VILL: variants seen among roughly 807,000 people sequenced by gnomAD.
VILL encodes villin-like protein.
VILL carries 102 observed loss-of-function variants against 106.3 expected under a neutral mutation model. That is an observed-to-expected ratio of 0.96 (90% CI 0.82 to 1.13). The LOEUF (loss-of-function observed/expected upper bound fraction) is 1.13, where lower values mean the gene tolerates loss of function less well. Ranked by LOEUF, VILL falls within the 50% of genes most tolerant of loss-of-function variation. VILL has a pLI of 0.00. For missense variants in VILL, 1,076 were observed against 1,116.6 expected, an observed-to-expected ratio of 0.96 and a Z score of 0.52; for synonymous variants, 431 against 440.3, an observed-to-expected ratio of 0.98 and a Z score of 0.27.
At chr3:37,996,719 T>G (rs748588076) in intron 5 of VILL, among the ~76,000 whole-genome samples, 12 of 152,252 alleles carry the variant, frequency 7.9e-5, no homozygotes, top group Non-Finnish European at 1.3e-4. Flanking sequence ...CTCTCAAAAG[T>G]GTGTCCGTTT....
chr3:38,001,558 C>T lies in VILL; in HGVS notation c.1285C>T (p.Leu429=), dbSNP rs745645492. Residue 429 remains leucine (L), a synonymous_variant, in exon 12 of 20, where the codon CTG becomes TTG. Transcript: ENST00000383759. ...CYLVLYTYQR[L]GRVQYILYLW... is the part of the protein sequence containing the mutation. ...CCTTGTGCTCTACACATACCAGAGGCTGGGCCGTGTCCAGTACATCCTGTA... is the reference window on the plus strand; with the variant it reads ...CCTTGTGCTCTACACATACCAGAGGTTGGGCCGTGTCCAGTACATCCTGTA... The T allele has an allele frequency of 2.5e-6, 4 of 1,614,240 alleles. No individual in the cohort carries two copies. The South Asian group carries it at 3.3e-5, about 13-fold the overall frequency.
rs373578988 is a variant in VILL, at chr3:38,006,925, C to A, written c.2458-17C>A. The A allele has an allele frequency of 1.2e-6, 2 of 1,606,854 alleles. No individual in the cohort carries two copies. Among genetic ancestry groups the A allele is most frequent in the East Asian group, 2.2e-5 (1 of 44,836 alleles). On this transcript the variant is annotated splice_polypyrimidine_tract_variant and intron_variant, in intron 19 of 19. Coordinates refer to ENST00000383759, the MANE Select transcript of VILL (RefSeq NM_015873.4). ...ATGACACCCTACCCTGTACCTCCCC[C>A]TCTCTCCCCTGCCCAGTTCTATCTC...
chr3:37,994,230 C>T (rs965843521), intron 3 of VILL, 31 bp from the exon 4 acceptor site: 5 of 1,580,464 alleles, frequency 3.2e-6, no homozygotes, highest in Non-Finnish European at 4.3e-6. Context: ...GTCTTCCCCG[C>T]AACACATATA....
intron 11 of VILL, among the ~76,000 whole-genome samples, chr3:38,000,284 C>A (rs921453784): frequency 6.6e-6 from 1 of 151,766 alleles, no homozygotes; most frequent in African/African-American, 2.4e-5. Context: ...TGGGAAGAGA[C>A]TGAGAGAGGA....
rs373376779 is a variant in VILL, at chr3:38,006,558, G to A, written c.2315G>A (p.Arg772Gln). The A allele has an allele frequency of 6.4e-5, 103 of 1,614,148 alleles. No individual in the cohort carries two copies. In the East Asian group the frequency reaches 8.9e-4, roughly 14 times the overall value. The change falls in exon 19 of 20, where the codon CGA becomes CAA. Residue 772 changes from arginine (R) to glutamine (Q), a missense_variant. By Grantham distance (43) the Arg-to-Gln change is conservative (BLOSUM62 1). Coordinates refer to ENST00000383759, the MANE Select transcript of VILL (RefSeq NM_015873.4). Reference sequence around the variant, plus strand: ...GACAGCTCAGAGAATGATCTGGTGCGAAGCCCCAAGTCGGCTGGCAGCAGA... The same window carrying A: ...GACAGCTCAGAGAATGATCTGGTGCAAAGCCCCAAGTCGGCTGGCAGCAGA... ...SQDSSENDLVRSPKSAGSRTS... is the reference protein window; with the variant it reads ...SQDSSENDLVQSPKSAGSRTS...
intron 5 of VILL, among the ~76,000 whole-genome samples, chr3:37,996,790 T>G (rs1216509161): frequency 6.6e-6 from 1 of 152,214 alleles, no homozygotes; most frequent in Non-Finnish European, 1.5e-5. Context: ...TCACATGTGA[T>G]GTCCCCATAT....
chr3:37,999,376 G>A lies in VILL; in HGVS notation c.1119G>A (p.Leu373=). The A allele has an allele frequency of 2.0e-6, 3 of 1,510,966 alleles. No homozygotes were observed. The highest frequency in any genetic ancestry group is 2.4e-5 in the Admixed American group (1 of 42,400). 93.6% of individuals were successfully genotyped at this position (1,510,966 alleles called of 1,614,324 possible). Residue 373 remains leucine, a synonymous_variant, in exon 11 of 20, where the codon CTG becomes CTA. Coordinates refer to ENST00000383759, the MANE Select transcript of VILL (RefSeq NM_015873.4). ...ATGTAAAGCTGGACGTGGGCAAGCTGCACACCCAGCCTAAGTTAGCGGCCC... is the reference window on the plus strand; with the variant it reads ...ATGTAAAGCTGGACGTGGGCAAGCTACACACCCAGCCTAAGTTAGCGGCCC... ...SIHVKLDVGK[L]HTQPKLAAQL... is the part of the protein sequence containing the mutation.
rs753055602 is a variant in VILL, at chr3:37,995,731, C to A, written c.342-8C>A. On this transcript the variant is annotated splice_polypyrimidine_tract_variant and splice_region_variant and intron_variant, in intron 4 of 19. Transcript: ENST00000383759. ...AATGTATATACCCTCCTGCTATTCC[C>A]ACCTCAGCTACAGGAAGGGAGGCCT... 1.1e-5 allele frequency: 18 copies of A among 1,610,436 alleles called. No individual in the cohort carries two copies. The highest frequency in any genetic ancestry group is 2.2e-5 in the East Asian group (1 of 44,850).
At chr3:37,996,369 T>C (rs1268676077) in intron 5 of VILL, among the ~76,000 whole-genome samples, 1 of 152,196 alleles carries the variant, frequency 6.6e-6, no homozygotes, top group Non-Finnish European at 1.5e-5. Context: ...CTCTGGTCCA[T>C]AGAGTGCCCT....
At chr3:38,001,191 G>C (rs1178806429) in intron 11 of VILL, 1 of 574,344 alleles carries the variant, frequency 1.7e-6, no homozygotes, top group Non-Finnish European at 3.1e-6. Context: ...GTGGGGTTGG[G>C]ACTAGGGCTG....
At chr3:37,991,719 G>A (rs1436932245) in intron 1 of VILL, among the ~76,000 whole-genome samples, 1 of 152,044 alleles carries the variant, frequency 6.6e-6, no homozygotes, top group Non-Finnish European at 1.5e-5. Context: ...GGATAGGAGG[G>A]TTCCCACTTG....
At position 38,001,567 on chromosome 3, in the gene VILL, G is replaced by A. The variant is rs1380725951; in HGVS notation, c.1294G>A (p.Val432Ile). The A allele has an allele frequency of 6.2e-7, 1 of 1,614,212 alleles. No individual in the cohort carries two copies. Among genetic ancestry groups the A allele is most frequent in the South Asian group, 1.1e-5 (1 of 91,092 alleles). Residue 432 changes from valine (V) to isoleucine (I), a missense_variant, in exon 12 of 20, where the codon GTC (valine) becomes ATC (isoleucine). Physicochemically the swap from Val to Ile is conservative, Grantham distance 29. Coordinates refer to ENST00000383759, the MANE Select transcript of VILL (RefSeq NM_015873.4). ...VLYTYQRLGRVQYILYLWQGH... is the reference protein window; with the variant it reads ...VLYTYQRLGRIQYILYLWQGH... ...CTACACATACCAGAGGCTGGGCCGT[G>A]TCCAGTACATCCTGTACCTATGGCA...
Position 37,998,438 on chromosome 3 carries a change from A to G in VILL, c.942+74A>G. ...CTGAGTGGGGAGGCAGCTCCGCCCCAGGGTCTAAGGGAGGAATCAGCCCTC... is the reference window on the plus strand; with the variant it reads ...CTGAGTGGGGAGGCAGCTCCGCCCCGGGGTCTAAGGGAGGAATCAGCCCTC... On this transcript the variant is annotated intron_variant, in intron 9 of 19. Transcript: ENST00000383759. This position sits in a 1 kb window ranked among gnomAD's most constrained non-coding sequence, Gnocchi z 4.1. 1 of 1,366,942 alleles carries G rather than the reference A, an allele frequency of 7.3e-7. No individual in the cohort carries two copies. 84.7% of individuals were successfully genotyped at this position (1,366,942 alleles called of 1,614,324 possible).
rs1313237579 is a variant in VILL, at chr3:37,994,430, C to A, written c.305C>A (p.Ser102Tyr). ...VLHREAQGHESDCFCSYFRPG... is the reference protein window; with the variant it reads ...VLHREAQGHEYDCFCSYFRPG... ...CACCGCGAGGCGCAGGGCCACGAGT[C>A]CGACTGCTTCTGCAGCTACTTCCGC... The change falls in exon 4 of 20, where the codon TCC (serine) becomes TAC (tyrosine). Residue 102 changes from serine to tyrosine, a missense_variant. Transcript: ENST00000383759. 4 of 1,612,730 alleles carry A rather than the reference C, an allele frequency of 2.5e-6. No homozygotes were observed. The Admixed American group carries it at 5.0e-5, about 20-fold the overall frequency.
chr3:37,999,540 A>G (rs1274103003), intron 11 of VILL, 101 bp downstream of exon 11: 11 of 847,930 alleles, frequency 1.3e-5, no homozygotes, highest in Non-Finnish European at 1.4e-5. Context: ...CCAGGTGCAC[A>G]TCCACACACA....
At position 37,998,165 on chromosome 3, in the gene VILL, G is replaced by A. The variant is rs1282459685; in HGVS notation, c.840G>A (p.Glu280=). 3 of 1,613,888 alleles carry A rather than the reference G, an allele frequency of 1.9e-6. No homozygotes were observed. Among genetic ancestry groups the A allele is most frequent in the Non-Finnish European group, 2.5e-6 (3 of 1,179,962 alleles). ...TPPLTQDLLQ[E]EDFYILDQGG... is the part of the protein sequence containing the mutation. ...CACTGACCCAGGACCTGCTGCAGGA[G>A]GAGGTGAGGAAGGCCTGGCCCCAGC... Residue 280 remains glutamate (E), a synonymous_variant, in exon 8 of 20, where the codon GAG becomes GAA. Coordinates refer to ENST00000383759, the MANE Select transcript of VILL (RefSeq NM_015873.4). This position sits in a 1 kb window ranked among gnomAD's most constrained non-coding sequence, Gnocchi z 4.1.
upstream of VILL, chr3:37,990,643 T>G (rs1367616036): frequency 6.6e-6 from 1 of 152,540 alleles, no homozygotes; most frequent in Non-Finnish European, 1.5e-5. This position sits in a 1 kb window ranked among gnomAD's most constrained non-coding sequence, Gnocchi z 5.1. Flanking sequence ...GCTCGATATT[T>G]GTTGACTGGC....
At chr3:37,994,179 A>G in intron 3 of VILL, 82 bp from the exon 4 acceptor site, 1 of 1,511,318 alleles carries the variant, frequency 6.6e-7, no homozygotes, top group Non-Finnish European at 9.0e-7. Flanking sequence ...GCGTCTCCCC[A>G]TGGCCCTTGG....
At position 38,006,635 on chromosome 3, in the gene VILL, C is replaced by T. The variant is rs200788424; in HGVS notation, c.2392C>T (p.Arg798Trp). The change falls in exon 19 of 20, where the codon CGG (arginine) becomes TGG (tryptophan). Residue 798 changes from arginine to tryptophan, a missense_variant. By Grantham distance (101) the Arg-to-Trp change is moderately radical (BLOSUM62 -3). Transcript: ENST00000383759. ...TSATINGGLR[R>W]EQLMHQAVED... is the part of the protein sequence containing the mutation. ...CGCCACGATCAACGGGGGCCTGCGC[C>T]GGGAACAACTGATGCACCAGGCTGT... 5.3e-5 allele frequency: 85 copies of T among 1,613,836 alleles called. No individual in the cohort carries two copies. The highest frequency in any genetic ancestry group is 1.7e-4 in the Middle Eastern group (1 of 5,892).
Sources: allele counts gnomAD v4.1 joint callset (sites outside exome capture counted in the v4.1 genomes callset), GRCh38; gene constraint gnomAD v4.1.1; non-coding constraint Gnocchi (gnomAD v3.1); transcripts MANE v1.5; gene names NCBI Gene and HGNC (gene_info 2026-07-23, HGNC 2026-07-21).